The following DAB1 variants were observed in gnomAD, a reference collection of about 807,000 sequenced individuals.
The protein encoded by DAB1 is disabled homolog 1.
DAB1 carries 15 observed loss-of-function variants against 64.6 expected under a neutral mutation model. The ratio of observed to expected loss-of-function variants is 0.23; its 90% CI spans 0.16 to 0.36. The LOEUF (loss-of-function observed/expected upper bound fraction) is 0.36, where lower values mean the gene tolerates loss of function less well. DAB1 is among the 10% of genes least tolerant of loss of function. The pLI is 1.00. For missense variants in DAB1, 596 were observed against 706.7 expected (o/e 0.84, Z 1.78); for synonymous variants, 235 against 251.9 (o/e 0.93, Z 0.64).
chr1:57,236,887 G>A (rs1014136411), intron 2 of DAB1, among the ~76,000 whole-genome samples: 2 of 152,174 alleles, frequency 1.3e-5, no homozygotes, highest in African/African-American at 4.8e-5. Flanking sequence ...GGACTCCATC[G>A]TGAGGGAAAT....
intron 5 of DAB1, among the ~76,000 whole-genome samples, chr1:57,891,067 G>C (rs973265027): frequency 6.6e-6 from 1 of 152,172 alleles, no homozygotes; most frequent in Non-Finnish European, 1.5e-5. Context: ...CATCATCAGA[G>C]TGAACAGGCA....
At chr1:57,033,999 C>G (rs1457895794) in intron 9 of DAB1, among the ~76,000 whole-genome samples, 1 of 152,106 alleles carries the variant, frequency 6.6e-6, no homozygotes, top group African/African-American at 2.4e-5. Context: ...CTCTTCCCCT[C>G]GGCCGGGCGC....
At position 57,505,114 on chromosome 1, in the gene DAB1, T is replaced by TA. The variant is rs34664060; in HGVS notation, n.625+144477dup. ...ATCATGTATCAATATTGGTTTGTTG[T>TA]AAAAAAAAAAGTACCTTACTAAAAT... is the stretch of plus-strand genomic sequence containing the variant. On this transcript the variant is annotated intron_variant and non_coding_transcript_variant, in intron 7 of 20. Coordinates refer to the DAB1 transcript ENST00000485760. 1.9e-3 allele frequency among the ~76,000 whole-genome samples: 275 copies of TA among 148,210 alleles called. 1 individual carries two copies. The highest frequency in any genetic ancestry group is 3.5e-3 in the Middle Eastern group (1 of 288).
At chr1:58,354,939 C>A (rs1644095880) in intron 3 of DAB1, among the ~76,000 whole-genome samples, 1 of 152,092 alleles carries the variant, frequency 6.6e-6, no homozygotes, top group Non-Finnish European at 1.5e-5. Flanking sequence ...CTCCAATCTT[C>A]CCCCTCTAAG....
At chr1:58,072,090 G>C (rs899928132) in intron 5 of DAB1, among the ~76,000 whole-genome samples, 2 of 125,128 alleles carry the variant, frequency 1.6e-5, no homozygotes, top group Middle Eastern at 5.2e-3. Flanking sequence ...TGGGGTGGGG[G>C]GGGGTGGGTA....
chr1:57,429,109 C>T (rs575293074), intron 7 of DAB1, among the ~76,000 whole-genome samples: 1 of 152,134 alleles, frequency 6.6e-6, no homozygotes, highest in South Asian at 2.1e-4. Context: ...AGGACAAGGT[C>T]TCCCTATGTT....
At chr1:57,722,980 G>C (rs140383090) in intron 6 of DAB1, among the ~76,000 whole-genome samples, 1 of 152,278 alleles carries the variant, frequency 6.6e-6, no homozygotes, top group Non-Finnish European at 1.5e-5. Flanking sequence ...CACTCTGTGA[G>C]TATGTTGCTC....
intron 2 of DAB1, among the ~76,000 whole-genome samples, chr1:57,266,176 T>C (rs1670577812): frequency 6.6e-6 from 1 of 152,176 alleles, no homozygotes; most frequent in African/African-American, 2.4e-5. Context: ...GGCAGGAAAG[T>C]GGGCACAAGT....
At chr1:58,051,527 T>C (rs907231186) in intron 5 of DAB1, among the ~76,000 whole-genome samples, 143 of 152,328 alleles carry the variant, frequency 9.4e-4, no homozygotes, top group African/African-American at 3.3e-3. Context: ...TGTGTCTTTA[T>C]AGTAGCATGA....
chr1:58,378,049 C>A (rs1202464446), intron 3 of DAB1, among the ~76,000 whole-genome samples: 1 of 139,446 alleles, frequency 7.2e-6, no homozygotes, highest in African/African-American at 2.7e-5. Flanking sequence ...TTAAGCACTT[C>A]TCTGTATTGG....
In DAB1 at chr1:58,490,795, CTTTTTTTTTTTTT is replaced by C. The variant is rs148145860; in HGVS notation, n.257+15252_257+15264del. ...AGAGTGGGGGCCAATAGTCAACATT[CTTTTTTTTTTTTT>C]TTTTTTTTTTTTTTTTTGAGACGGA... On this transcript the variant is annotated intron_variant and non_coding_transcript_variant, in intron 3 of 20. Coordinates refer to the DAB1 transcript ENST00000485760. Among the ~76,000 whole-genome samples, 33 of 59,272 alleles carry C rather than the reference CTTTTTTTTTTTTT, an allele frequency of 5.6e-4. 1 individual carries two copies. Among genetic ancestry groups the C allele is most frequent in the Non-Finnish European group, 7.1e-4 (24 of 33,734 alleles). The allele number at this position is 59,272 out of a possible 152,430, so 38.9% of individuals were successfully genotyped here.
At chr1:57,519,905 A>T (rs1237129088) in intron 7 of DAB1, among the ~76,000 whole-genome samples, 1 of 152,192 alleles carries the variant, frequency 6.6e-6, no homozygotes, top group East Asian at 1.9e-4. Flanking sequence ...AATAGAGAAA[A>T]CTCTGAAATG....
chr1:57,080,359 C>G (rs1052044187), intron 4 of DAB1, among the ~76,000 whole-genome samples: 1 of 152,182 alleles, frequency 6.6e-6, no homozygotes, highest in Non-Finnish European at 1.5e-5. Context: ...ACTCCCTATC[C>G]GTTTTCCTCT....
At chr1:57,802,145 G>A (rs561267189) in intron 6 of DAB1, among the ~76,000 whole-genome samples, 19 of 152,214 alleles carry the variant, frequency 1.2e-4, no homozygotes, top group Non-Finnish European at 2.1e-4. Context: ...ACATTTATTC[G>A]GTCACACCCA....
intron 7 of DAB1, among the ~76,000 whole-genome samples, chr1:57,465,758 GATGAATGA>G (rs1217055021): frequency 6.6e-6 from 1 of 152,132 alleles, no homozygotes; most frequent in Non-Finnish European, 1.5e-5. Flanking sequence ...ATGAAGAACA[GATGAATGA>G]ATGAATGAAT....
intron 1 of DAB1, among the ~76,000 whole-genome samples, chr1:57,343,778 C>T (rs750170953): frequency 4.6e-5 from 7 of 152,206 alleles, no homozygotes; most frequent in African/African-American, 9.6e-5. Flanking sequence ...CGGTTCCCAC[C>T]GACGCCTCTC....
intron 1 of DAB1, among the ~76,000 whole-genome samples, chr1:57,318,997 C>T (rs94216): frequency 0.45 from 68,765 of 151,958 alleles, 16,509 homozygotes; most frequent in East Asian, 0.89. Context: ...CATTTCCTAA[C>T]CTGTGCCCTC....
chr1:57,958,877 C>T (rs545515887), intron 5 of DAB1, among the ~76,000 whole-genome samples: 5 of 152,286 alleles, frequency 3.3e-5, no homozygotes, highest in South Asian at 2.1e-4. Flanking sequence ...AAATTAGAGA[C>T]GATTCTAATG....
At chr1:58,178,739 G>A (rs1018486177) in intron 4 of DAB1, among the ~76,000 whole-genome samples, 17 of 151,872 alleles carry the variant, frequency 1.1e-4, no homozygotes, top group South Asian at 4.1e-4. Flanking sequence ...CTGTTTTTTT[G>A]TTTACAACTA....
Sources: gnomAD v4.1 joint callset for allele counts (sites outside exome capture counted in the v4.1 genomes callset) on GRCh38, gnomAD v4.1.1 for gene constraint, MANE v1.5 for transcripts, NCBI Gene and HGNC (gene_info 2026-07-23, HGNC 2026-07-21) for gene names.